The following PTPN4 variants were observed in gnomAD, a reference collection of about 807,000 sequenced individuals.
PTPN4 encodes tyrosine-protein phosphatase non-receptor type 4.
Under a neutral mutation model 135.5 loss-of-function variants are expected in PTPN4, and 49 were observed. The observed-to-expected ratio is 0.36, with a 90% CI of 0.29 to 0.46. PTPN4 has a LOEUF of 0.46. PTPN4 is among the 20% of genes least tolerant of loss of function. PTPN4 has a pLI of 1.00. For missense variants in PTPN4, 860 were observed against 1,101.0 expected (o/e 0.78, Z 3.10); for synonymous variants, 333 against 369.9 (o/e 0.90, Z 1.14).
At chr2:119,892,149 T>G (rs1160517532) in intron 9 of PTPN4, among the ~76,000 whole-genome samples, 1 of 152,206 alleles carries the variant, frequency 6.6e-6, no homozygotes, top group Non-Finnish European at 1.5e-5. Flanking sequence ...TATGTACTAT[T>G]TGATTCCATT....
Position 119,853,102 on chromosome 2 carries a change from G to A in PTPN4, c.139-9434G>A, listed in dbSNP as rs76049535. On this transcript the variant is annotated intron_variant, in intron 2 of 26. Coordinates refer to ENST00000263708, the MANE Select transcript of PTPN4 (RefSeq NM_002830.4). Reference sequence around the variant, plus strand: ...AGAGAACATATATTCTGCTGTTGTCGAGTAGAGTGCCCTAGAAATGTCAGT... The same window carrying A: ...AGAGAACATATATTCTGCTGTTGTCAAGTAGAGTGCCCTAGAAATGTCAGT... Among the ~76,000 whole-genome samples the A allele has an allele frequency of 1.1e-4, 17 of 152,240 alleles. No individual in the cohort carries two copies. In the East Asian group the frequency reaches 3.3e-3, roughly 29 times the overall value.
Position 119,791,663 on chromosome 2 carries a change from A to T in PTPN4, c.-17-18174A>T, listed in dbSNP as rs1347121607. 7.2e-5 allele frequency among the ~76,000 whole-genome samples: 11 copies of T among 152,110 alleles called. 1 individual carries two copies. Among genetic ancestry groups the T allele is most frequent in the Non-Finnish European group, 5.9e-5 (4 of 68,022 alleles). On this transcript the variant is annotated intron_variant, in intron 1 of 26. Coordinates refer to ENST00000263708, the MANE Select transcript of PTPN4 (RefSeq NM_002830.4). Reference sequence around the variant, plus strand: ...GGACTAGATATTGCCTTGTACTGTAATTGAGGATCATTTGTAAGTGATGAG... The same window carrying T: ...GGACTAGATATTGCCTTGTACTGTATTTGAGGATCATTTGTAAGTGATGAG...
intron 2 of PTPN4, among the ~76,000 whole-genome samples, chr2:119,847,316 A>ATT: frequency 1.7e-5 from 1 of 59,224 alleles, no homozygotes; most frequent in Non-Finnish European, 3.4e-5. Context: ...ACACACACAC[A>ATT]TATATATATA....
intron 2 of PTPN4, among the ~76,000 whole-genome samples, chr2:119,852,838 A>G (rs980089090): frequency 6.6e-6 from 1 of 151,058 alleles, no homozygotes; most frequent in African/African-American, 2.4e-5. Context: ...CTTTCAGTTC[A>G]GTGGTTTTTT....
intron 3 of PTPN4, among the ~76,000 whole-genome samples, chr2:119,873,058 C>A: frequency 6.6e-6 from 1 of 152,058 alleles, no homozygotes; most frequent in Non-Finnish European, 1.5e-5. Flanking sequence ...TGCAGTGGTG[C>A]GATCATGGCT....
chr2:119,903,364 G>T (rs950117387), intron 10 of PTPN4, among the ~76,000 whole-genome samples: 2 of 151,958 alleles, frequency 1.3e-5, no homozygotes, highest in Non-Finnish European at 2.9e-5. Flanking sequence ...AACATCAAGG[G>T]CCTGAACAGA....
intron 11 of PTPN4, among the ~76,000 whole-genome samples, chr2:119,919,147 A>T (rs1376846790): frequency 6.6e-6 from 1 of 152,218 alleles, no homozygotes; most frequent in Non-Finnish European, 1.5e-5. Context: ...TAAAGGTTAC[A>T]TGGTTGTATT....
At chr2:119,780,436 G>A (rs1354897476) in intron 1 of PTPN4, among the ~76,000 whole-genome samples, 16 of 152,004 alleles carry the variant, frequency 1.1e-4, no homozygotes, top group Non-Finnish European at 2.4e-4. Context: ...CTAACCCCCC[G>A]CCAAATCCAT....
chr2:119,956,237 A>ATTTTTTT (rs10627020), intron 20 of PTPN4, among the ~76,000 whole-genome samples: 8 of 101,062 alleles, frequency 7.9e-5, no homozygotes, highest in East Asian at 3.3e-4. Flanking sequence ...ATAAACCTGA[A>ATTTTTTT]TTTTTTTTTT....
At chr2:119,869,035 G>C (rs1012083677) in intron 3 of PTPN4, among the ~76,000 whole-genome samples, 2 of 152,050 alleles carry the variant, frequency 1.3e-5, no homozygotes, top group Admixed American at 6.5e-5. Flanking sequence ...ATAAAGCCTT[G>C]TATACAAATG....
intron 2 of PTPN4, among the ~76,000 whole-genome samples, chr2:119,829,372 A>G (rs1677188535): frequency 6.6e-6 from 1 of 152,214 alleles, no homozygotes. Context: ...TTTTATATAT[A>G]CAATTCAGTG....
intron 1 of PTPN4, among the ~76,000 whole-genome samples, chr2:119,782,695 A>G (rs1224876873): frequency 6.9e-6 from 1 of 145,640 alleles, no homozygotes; most frequent in Admixed American, 6.9e-5. Flanking sequence ...GTGTTAGGCT[A>G]TGAAACCCCC....
chr2:119,862,313 C>G (rs948216641), intron 2 of PTPN4, among the ~76,000 whole-genome samples: 5 of 152,120 alleles, frequency 3.3e-5, no homozygotes, highest in Non-Finnish European at 5.9e-5. Context: ...CAAGTTAACC[C>G]ATTTATGCCT....
chr2:119,976,018 C>T (rs1199784952), intron 26 of PTPN4, among the ~76,000 whole-genome samples: 11 of 137,684 alleles, frequency 8.0e-5, no homozygotes, highest in Admixed American at 3.0e-4. Context: ...TTTTTTGAGA[C>T]GGAGTCTCGT....
intron 3 of PTPN4, among the ~76,000 whole-genome samples, chr2:119,864,507 G>A (rs1176398734): frequency 6.6e-6 from 1 of 151,974 alleles, no homozygotes; most frequent in African/African-American, 2.4e-5. Flanking sequence ...CATAAGTCAG[G>A]CCCTGTAGCT....
chr2:119,894,454 A>C (rs1254350060), intron 9 of PTPN4, among the ~76,000 whole-genome samples: 1 of 152,210 alleles, frequency 6.6e-6, no homozygotes, highest in African/African-American at 2.4e-5. Flanking sequence ...TCTTTATGAA[A>C]GCATAAATAG....
In PTPN4 at chr2:119,965,580, A is replaced by G. The variant is rs749444905; in HGVS notation, c.2493A>G (p.Leu831=). 91 of 1,613,908 alleles carry G rather than the reference A, an allele frequency of 5.6e-5. 1 individual carries two copies. Among genetic ancestry groups the G allele is most frequent in the Non-Finnish European group, 7.5e-5 (88 of 1,179,894 alleles). Residue 831 remains leucine, a synonymous_variant, in exon 25 of 27, where the codon CTA becomes CTG. Coordinates refer to ENST00000263708, the MANE Select transcript of PTPN4 (RefSeq NM_002830.4). ...HGVPDDSSDF[L]DFVCHVRNKR... ...TCCCTGATGATTCGAGTGACTTTCT[A>G]GATTTTGTTTGTCATGTACGAAACA...
intron 2 of PTPN4, among the ~76,000 whole-genome samples, chr2:119,855,317 A>G (rs1677660636): frequency 6.6e-6 from 1 of 152,216 alleles, no homozygotes; most frequent in East Asian, 1.9e-4. Flanking sequence ...CTGTCTCGGT[A>G]GAATTTAAAA....
chr2:119,847,485 G>A (rs1048021852), intron 2 of PTPN4, among the ~76,000 whole-genome samples: 39 of 151,694 alleles, frequency 2.6e-4, no homozygotes, highest in Non-Finnish European at 4.3e-4. Context: ...GCACTACCAC[G>A]CCCAGCTAAT....
Sources: gnomAD v4.1 joint callset for allele counts (sites outside exome capture counted in the v4.1 genomes callset) on GRCh38, gnomAD v4.1.1 for gene constraint, MANE v1.5 for transcripts, NCBI Gene and HGNC (gene_info 2026-07-23, HGNC 2026-07-21) for gene names.